The following ZNF407 variants were observed in gnomAD, a reference collection of about 807,000 sequenced individuals.
ZNF407 encodes the protein zinc finger protein 407.
A neutral mutation model predicts 131.2 loss-of-function variants in ZNF407; 17 were observed. The ratio of observed to expected loss-of-function variants is 0.13; its 90% CI spans 0.09 to 0.19. ZNF407 has a LOEUF of 0.19. Among genes scored for constraint, ZNF407 ranks in the 10% least tolerant of loss-of-function variants. The pLI is 1.00. For missense variants in ZNF407, 2,681 were observed against 2,830.6 expected (o/e 0.95, Z 1.20); for synonymous variants, 1,156 against 1,062.0 (o/e 1.09, Z -1.72).
At chr18:74,783,515 C>T (rs1390864498) in intron 4 of ZNF407, among the ~76,000 whole-genome samples, 1 of 151,080 alleles carries the variant, frequency 6.6e-6, no homozygotes, top group Non-Finnish European at 1.5e-5. Context: ...GCTAGAAATC[C>T]TCTATATATT....
intron 4 of ZNF407, among the ~76,000 whole-genome samples, chr18:74,858,861 C>G (rs1333213876): frequency 1.3e-5 from 2 of 151,660 alleles, no homozygotes; most frequent in Non-Finnish European, 2.9e-5. Flanking sequence ...AAAGGACAAT[C>G]AGACACATTA....
intron 3 of ZNF407, among the ~76,000 whole-genome samples, chr18:74,672,051 G>T (rs963691381): frequency 9.2e-5 from 14 of 152,130 alleles, no homozygotes; most frequent in African/African-American, 3.4e-4. Flanking sequence ...TGGTAGAGTG[G>T]TTTATAGTCC....
chr18:74,892,712 A>G (rs1971402297), intron 7 of ZNF407, among the ~76,000 whole-genome samples: 1 of 152,232 alleles, frequency 6.6e-6, no homozygotes, highest in South Asian at 2.1e-4. Flanking sequence ...TGCTGAGAAT[A>G]CAGCTTCAAA....
At chr18:74,824,933 C>G (rs1244216749) in intron 4 of ZNF407, among the ~76,000 whole-genome samples, 1 of 152,122 alleles carries the variant, frequency 6.6e-6, no homozygotes, top group Non-Finnish European at 1.5e-5. Context: ...GGCCAGTATC[C>G]CTGATGAACA....
intron 8 of ZNF407, among the ~76,000 whole-genome samples, chr18:74,984,097 C>T (rs1972624773): frequency 6.6e-6 from 1 of 152,176 alleles, no homozygotes; most frequent in Non-Finnish European, 1.5e-5. Context: ...ATCAAATTGA[C>T]TTTAGAAAGG....
intron 3 of ZNF407, among the ~76,000 whole-genome samples, chr18:74,646,095 A>G (rs1262730984): frequency 1.3e-5 from 2 of 152,212 alleles, no homozygotes; most frequent in African/African-American, 4.8e-5. Flanking sequence ...AAAATTAGTA[A>G]TTTTTATAGG....
chr18:74,658,966 T>TACAC, intron 3 of ZNF407, among the ~76,000 whole-genome samples: 1 of 152,202 alleles, frequency 6.6e-6, no homozygotes, highest in African/African-American at 2.4e-5. Flanking sequence ...AATTAAAATC[T>TACAC]ATTGTATACA....
chr18:74,960,112 G>A (rs1972321719), intron 8 of ZNF407, among the ~76,000 whole-genome samples: 1 of 152,218 alleles, frequency 6.6e-6, no homozygotes, highest in African/African-American at 2.4e-5. Context: ...CAAGTACCGT[G>A]TTCATTTAGG....
At chr18:74,892,368 TTC>T (rs1446088253) in intron 7 of ZNF407, among the ~76,000 whole-genome samples, 1 of 152,146 alleles carries the variant, frequency 6.6e-6, no homozygotes, top group Non-Finnish European at 1.5e-5. Context: ...AAATTGTGGG[TTC>T]TTAGTGGACC....
chr18:74,670,234 C>A (rs951300806), intron 3 of ZNF407, among the ~76,000 whole-genome samples: 1 of 152,086 alleles, frequency 6.6e-6, no homozygotes, highest in African/African-American at 2.4e-5. Flanking sequence ...TTTTTATAAC[C>A]CCCAGTTAAG....
At chr18:74,835,950 C>T (rs925658187) in intron 4 of ZNF407, among the ~76,000 whole-genome samples, 3 of 148,642 alleles carry the variant, frequency 2.0e-5, no homozygotes, top group Non-Finnish European at 3.0e-5. Context: ...CTGAATGTAT[C>T]GCAGGCTAGT....
intron 4 of ZNF407, among the ~76,000 whole-genome samples, chr18:74,832,268 C>G (rs1970496253): frequency 1.3e-5 from 2 of 152,206 alleles, no homozygotes; most frequent in Admixed American, 1.3e-4. Context: ...TTATAGTACT[C>G]ATGTGCTTTA....
chr18:74,874,143 A>T (rs999057263), intron 4 of ZNF407, among the ~76,000 whole-genome samples: 3 of 152,132 alleles, frequency 2.0e-5, no homozygotes, highest in African/African-American at 7.2e-5. Context: ...TGCAGATGGT[A>T]TTGAAGCCCA....
At chr18:75,020,010 C>G (rs1973088512) in intron 8 of ZNF407, among the ~76,000 whole-genome samples, 1 of 152,058 alleles carries the variant, frequency 6.6e-6, no homozygotes, top group Admixed American at 6.5e-5. Context: ...GACACAGAGC[C>G]AAACCATACC....
At chr18:75,003,248 A>G (rs1185746576) in intron 8 of ZNF407, among the ~76,000 whole-genome samples, 2 of 152,232 alleles carry the variant, frequency 1.3e-5, no homozygotes, top group Admixed American at 1.3e-4. Context: ...TTTCTGAGTT[A>G]CAATGTCCCT....
chr18:74,833,141 T>G (rs982332400), intron 4 of ZNF407, among the ~76,000 whole-genome samples: 1 of 152,158 alleles, frequency 6.6e-6, no homozygotes, highest in Non-Finnish European at 1.5e-5. Context: ...CACCTCTGAA[T>G]AGATTACACA....
chr18:74,631,999 T>C lies in ZNF407; in HGVS notation c.980T>C (p.Phe327Ser). 1 of 1,613,980 alleles carries C rather than the reference T, an allele frequency of 6.2e-7. No homozygotes were observed. The highest frequency in any genetic ancestry group is 8.5e-7 in the Non-Finnish European group (1 of 1,179,894). ...GGATTACGAAATGTGGGAAGCACGT[T>C]TAAAGATTTCAGAGGAAGTATTTCT... Reference protein sequence around the residue: ...SKGLRNVGSTFKDFRGSISKQ... With the variant: ...SKGLRNVGSTSKDFRGSISKQ... Residue 327 changes from phenylalanine (F) to serine (S), a missense_variant, in exon 2 of 9, where the codon TTT (phenylalanine) becomes TCT (serine). This residue lies in a region of ZNF407 where 1,789 missense variants were observed against 1,748.7 expected (regional missense o/e 1.02). Coordinates refer to ENST00000299687, the MANE Select transcript of ZNF407 (RefSeq NM_017757.3).
At chr18:74,639,038 A>G (rs547941783) in intron 2 of ZNF407, among the ~76,000 whole-genome samples, 11 of 152,308 alleles carry the variant, frequency 7.2e-5, no homozygotes, top group Non-Finnish European at 1.3e-4. Flanking sequence ...CAAGGCCTCC[A>G]TGATTCTGGG....
Position 74,631,702 on chromosome 18 carries a change from C to T in ZNF407, c.683C>T (p.Ser228Leu), listed in dbSNP as rs1165757173. 1 of 1,613,968 alleles carries T rather than the reference C, an allele frequency of 6.2e-7. No homozygotes were observed. Among genetic ancestry groups the T allele is most frequent in the East Asian group, 2.2e-5 (1 of 44,878 alleles). The stretch of plus-strand genomic sequence containing the variant: ...TGCAGCCACAAAGCAGAGAGCAGCT[C>T]AGCACTACATATGCATATCAAACAA... ...CHCSHKAESS[S>L]ALHMHIKQAH... The change falls in exon 2 of 9, where the codon TCA (serine) becomes TTA (leucine). Residue 228 changes from serine (S) to leucine (L), a missense_variant. By Grantham distance (145) the Ser-to-Leu change is moderately radical. Coordinates refer to ENST00000299687, the MANE Select transcript of ZNF407 (RefSeq NM_017757.3).
Sources: gnomAD v4.1 joint callset for allele counts (sites outside exome capture counted in the v4.1 genomes callset) on GRCh38, gnomAD v4.1.1 for gene constraint, gnomAD v4.1.1 regional missense constraint, MANE v1.5 for transcripts, NCBI Gene and HGNC (gene_info 2026-07-23, HGNC 2026-07-21) for gene names.